HDX: variants seen among roughly 807,000 people sequenced by gnomAD.
The protein encoded by HDX is highly divergent homeobox.
HDX carries 19 observed loss-of-function variants against 45.2 expected under a neutral mutation model. The observed-to-expected ratio is 0.42, with a 90% CI of 0.29 to 0.62. HDX has a LOEUF of 0.62. Among genes scored for constraint, HDX ranks in the 20% least tolerant of loss-of-function variants. The pLI is 0.20. For missense variants in HDX, 532 were observed against 493.9 expected (o/e 1.08, Z -0.73); for synonymous variants, 188 against 172.8 (o/e 1.09, Z -0.69).
intron 5 of HDX, among the ~76,000 whole-genome samples, chrX:84,424,140 C>A (rs2039331968): frequency 9.0e-6 from 1 of 111,219 alleles, no homozygotes; most frequent in Admixed American, 9.6e-5. Flanking sequence ...ACAACATCAA[C>A]ATACAAAAAT....
intron 5 of HDX, among the ~76,000 whole-genome samples, chrX:84,372,230 C>T (rs1198324891): frequency 1.8e-5 from 2 of 111,542 alleles, no homozygotes. Context: ...ATAGCTCTCA[C>T]AATCTTAAGC....
chrX:84,436,292 G>T (rs1340878504), intron 5 of HDX, among the ~76,000 whole-genome samples: 1 of 66,957 alleles, frequency 1.5e-5, no homozygotes, highest in Non-Finnish European at 2.7e-5. Context: ...GTGGGGGGAG[G>T]GGGGAGGGAT....
At chrX:84,499,621 G>T (rs1367724169) in intron 1 of HDX, among the ~76,000 whole-genome samples, 1 of 111,939 alleles carries the variant, frequency 8.9e-6, no homozygotes, top group Non-Finnish European at 1.9e-5. Context: ...CAATAATGAT[G>T]TTCTAATTTA....
At chrX:84,412,645 T>C (rs901983701) in intron 5 of HDX, among the ~76,000 whole-genome samples, 4 of 111,292 alleles carry the variant, frequency 3.6e-5, no homozygotes, top group East Asian at 5.7e-4. Context: ...TGACTGCGTG[T>C]CTTTGGGATG....
intron 5 of HDX, among the ~76,000 whole-genome samples, chrX:84,412,693 T>C (rs1433023857): frequency 9.0e-6 from 1 of 111,636 alleles, no homozygotes; most frequent in African/African-American, 3.3e-5. Context: ...CTTCCTGTAT[T>C]ATCTGAATTT....
chrX:84,340,043 C>G (rs2206855), intron 7 of HDX, among the ~76,000 whole-genome samples: 6,765 of 110,141 alleles, frequency 0.061, 232 homozygotes, highest in African/African-American at 0.13. Context: ...TGTTTTTTAT[C>G]TTTCCTAACC....
chrX:84,364,349 C>A (rs2037689448), intron 5 of HDX, among the ~76,000 whole-genome samples: 1 of 110,338 alleles, frequency 9.1e-6, no homozygotes. Context: ...TCTAAATAAT[C>A]AAAAACAGAT....
At chrX:84,502,245 C>G (rs1205392787) in intron 1 of HDX, 97 bp downstream of exon 1, 1 of 110,498 alleles carries the variant, frequency 9.0e-6, no homozygotes, top group Non-Finnish European at 1.9e-5. Flanking sequence ...TATGGACCCC[C>G]CCACCCCCAA....
At chrX:84,435,633 G>T (rs781685854) in intron 5 of HDX, among the ~76,000 whole-genome samples, 1 of 105,018 alleles carries the variant, frequency 9.5e-6, no homozygotes, top group African/African-American at 3.5e-5. Context: ...TGAAGTCCTT[G>T]CCCACGCCTA....
chrX:84,336,816 T>G lies in HDX; in HGVS notation c.1725A>C (p.Val575=). The G allele has an allele frequency of 8.5e-7, 1 of 1,173,331 alleles. No individual in the cohort carries two copies. Among genetic ancestry groups the G allele is most frequent in the East Asian group, 3.0e-5 (1 of 33,495 alleles). The change falls in exon 8 of 11, where the codon GTA becomes GTC. Residue 575 remains valine (V), a synonymous_variant. Transcript: ENST00000373177. ...RAHKEEDHHA[V]TTDNVKIEII... ...CTGTACATACCACATTATCTGTGGT[T>G]ACTGCATGGTGGTCCTCTTCCTTAT...
At chrX:84,469,697 G>T (rs769047734) in intron 3 of HDX, 122 bp from the exon 4 acceptor site, 27 of 570,770 alleles carry the variant, frequency 4.7e-5, no homozygotes, top group Non-Finnish European at 6.5e-5. Context: ...AAAGGTAAAA[G>T]AAAAAGGTAA....
At chrX:84,411,208 G>T (rs760813017) in intron 5 of HDX, among the ~76,000 whole-genome samples, 1 of 111,203 alleles carries the variant, frequency 9.0e-6, no homozygotes, top group African/African-American at 3.3e-5. Context: ...CTGGTTTGGG[G>T]ATTTATTTGC....
chrX:84,501,262 A>G (rs756387392), intron 1 of HDX, among the ~76,000 whole-genome samples: 3 of 111,773 alleles, frequency 2.7e-5, no homozygotes, highest in Non-Finnish European at 5.6e-5. Context: ...AGCCTTCCCA[A>G]TGAAGGGGTG....
intron 4 of HDX, among the ~76,000 whole-genome samples, chrX:84,461,789 G>C (rs2148120838): frequency 8.9e-6 from 1 of 111,733 alleles, no homozygotes; most frequent in African/African-American, 3.2e-5. Context: ...TTAATAATCA[G>C]AATACATAAG....
intron 5 of HDX, among the ~76,000 whole-genome samples, chrX:84,377,328 A>G (rs1035208146): frequency 1.8e-5 from 2 of 111,701 alleles, no homozygotes; most frequent in African/African-American, 6.5e-5. Flanking sequence ...CTAACTCTTC[A>G]ATGTGCAGAT....
At chrX:84,409,224 C>G (rs1427807291) in intron 5 of HDX, among the ~76,000 whole-genome samples, 1 of 111,073 alleles carries the variant, frequency 9.0e-6, no homozygotes, top group African/African-American at 3.3e-5. Flanking sequence ...CAGTAAACAA[C>G]AGGTGTTGGA....
chrX:84,361,633 T>A (rs758307397), intron 5 of HDX, 21 bp from the exon 6 acceptor site: 1 of 1,111,555 alleles, frequency 9.0e-7, no homozygotes, highest in East Asian at 3.2e-5. Context: ...CATTTTTAAA[T>A]TGTTTTGAAT....
rs1243306614 is a variant in HDX, at chrX:84,469,502, G to A, written c.221C>T (p.Ser74Phe). Reference protein sequence around the residue: ...SESGTATTGTSLSAPDITVRN... With the variant: ...SESGTATTGTFLSAPDITVRN... ...GACTGTGATGTCTGGAGCTGACAAA[G>A]AGGTTCCTGTTGTTGCTGTTCCAGA... Residue 74 changes from serine (S) to phenylalanine (F), a missense_variant, in exon 4 of 11, where the codon TCT becomes TTT. By Grantham distance (155) the Ser-to-Phe change is radical (BLOSUM62 -2). Coordinates refer to ENST00000373177, the MANE Select transcript of HDX (RefSeq NM_001177479.2). 1 of 1,208,769 alleles carries A rather than the reference G, an allele frequency of 8.3e-7. No homozygotes were observed. The highest frequency in any genetic ancestry group is 1.8e-5 in the South Asian group (1 of 56,669).
chrX:84,479,365 A>T (rs767608657), intron 2 of HDX, among the ~76,000 whole-genome samples: 1 of 111,929 alleles, frequency 8.9e-6, no homozygotes, highest in South Asian at 3.7e-4. Context: ...TTTGAGATAA[A>T]TCTGTGTTGC....
Sources: gnomAD v4.1 joint callset for allele counts (sites outside exome capture counted in the v4.1 genomes callset) on GRCh38, gnomAD v4.1.1 for gene constraint, MANE v1.5 for transcripts, NCBI Gene and HGNC (gene_info 2026-07-23, HGNC 2026-07-21) for gene names.